The following RASAL2 variants were observed in gnomAD, a reference collection of about 807,000 sequenced individuals.
The protein encoded by RASAL2 is RAS protein activator like 2.
RASAL2 carries 58 observed loss-of-function variants against 128.9 expected under a neutral mutation model. That is an observed-to-expected ratio of 0.45 (90% CI 0.36 to 0.56). The LOEUF is 0.56. Ranked by LOEUF, RASAL2 falls within the 20% of genes least tolerant of loss-of-function variation. RASAL2 has a pLI of 0.00. For synonymous variants in RASAL2, 561 were observed against 580.8 expected, an observed-to-expected ratio of 0.97 and a Z score of 0.49; for missense variants, 1,360 against 1,601.6, an observed-to-expected ratio of 0.85 and a Z score of 2.57.
At chr1:178,144,979 T>TGTAA (rs1660668465) in intron 1 of RASAL2, among the ~76,000 whole-genome samples, 1 of 152,198 alleles carries the variant, frequency 6.6e-6, no homozygotes, top group Non-Finnish European at 1.5e-5. Context: ...GTAGTAAGTT[T>TGTAA]AACATCTTTG....
At chr1:178,400,256 C>G (rs994932787) in intron 4 of RASAL2, among the ~76,000 whole-genome samples, 1 of 152,180 alleles carries the variant, frequency 6.6e-6, no homozygotes, top group Non-Finnish European at 1.5e-5. Flanking sequence ...CAACTCTCTT[C>G]AGTCCTGAGT....
intron 3 of RASAL2, among the ~76,000 whole-genome samples, chr1:178,383,893 T>G (rs1220843532): frequency 6.6e-6 from 1 of 152,252 alleles, no homozygotes; most frequent in Non-Finnish European, 1.5e-5. Context: ...GTGGACTCAT[T>G]CATAGCAACA....
At chr1:178,311,249 CACAA>C (rs1482451546) in intron 3 of RASAL2, among the ~76,000 whole-genome samples, 7 of 101,996 alleles carry the variant, frequency 6.9e-5, no homozygotes, top group Admixed American at 1.3e-4. Context: ...CATACACACA[CACAA>C]ACACACACAC....
chr1:178,109,982 C>T (rs916346259), intron 1 of RASAL2, among the ~76,000 whole-genome samples: 2 of 152,164 alleles, frequency 1.3e-5, no homozygotes, highest in African/African-American at 4.8e-5. Flanking sequence ...CCTGCTACTA[C>T]ACTTCAGCCT....
intron 1 of RASAL2, among the ~76,000 whole-genome samples, chr1:178,143,245 TATA>T (rs898934816): frequency 6.6e-6 from 1 of 151,916 alleles, no homozygotes; most frequent in African/African-American, 2.4e-5. Context: ...TATATTTATC[TATA>T]ATATCATAGA....
chr1:178,151,850 G>T (rs969416188), intron 1 of RASAL2, among the ~76,000 whole-genome samples: 9 of 152,182 alleles, frequency 5.9e-5, no homozygotes, highest in African/African-American at 2.2e-4. Context: ...CTGTTCCACT[G>T]TACCCAGAGG....
At chr1:178,445,474 A>T in intron 8 of RASAL2, 44 bp from the exon 9 acceptor site, 2 of 1,594,564 alleles carry the variant, frequency 1.3e-6, no homozygotes, top group Non-Finnish European at 1.7e-6. Flanking sequence ...AATGTGTATT[A>T]TTTATTCAGT....
At chr1:178,330,491 G>A (rs989532977) in intron 3 of RASAL2, among the ~76,000 whole-genome samples, 1 of 152,118 alleles carries the variant, frequency 6.6e-6, no homozygotes, top group Non-Finnish European at 1.5e-5. Context: ...ACAAAAGACT[G>A]AACAGTGAAC....
intron 1 of RASAL2, among the ~76,000 whole-genome samples, chr1:178,258,640 T>C (rs956659360): frequency 2.6e-5 from 4 of 152,176 alleles, no homozygotes; most frequent in Non-Finnish European, 5.9e-5. Flanking sequence ...TGTGGAGAAA[T>C]TTTAACCCTT....
At chr1:178,272,532 G>A (rs962915359) in intron 1 of RASAL2, among the ~76,000 whole-genome samples, 3 of 151,360 alleles carry the variant, frequency 2.0e-5, no homozygotes, top group African/African-American at 7.3e-5. Flanking sequence ...TCTTCCTTAT[G>A]TTCATTCTTT....
intron 1 of RASAL2, among the ~76,000 whole-genome samples, chr1:178,204,839 C>G (rs761965974): frequency 1.3e-5 from 2 of 152,064 alleles, no homozygotes; most frequent in Non-Finnish European, 2.9e-5. Flanking sequence ...GTGCTTTCTT[C>G]CAGAAAATGA....
chr1:178,364,305 A>G (rs1026287188), intron 3 of RASAL2, among the ~76,000 whole-genome samples: 3 of 152,312 alleles, frequency 2.0e-5, no homozygotes, highest in African/African-American at 7.2e-5. Context: ...AAATTCCAAT[A>G]TGGAATGTAG....
chr1:178,461,692 T>G (rs532605038), intron 14 of RASAL2, among the ~76,000 whole-genome samples: 5 of 152,204 alleles, frequency 3.3e-5, no homozygotes, highest in Non-Finnish European at 7.3e-5. Context: ...GTTTTCACAT[T>G]TAGATTTGTT....
intron 17 of RASAL2, among the ~76,000 whole-genome samples, chr1:178,471,471 T>C (rs1219901360): frequency 1.3e-5 from 2 of 152,198 alleles, no homozygotes; most frequent in Non-Finnish European, 1.5e-5. Flanking sequence ...AATGAATTAC[T>C]TTCCTAAAAT....
In RASAL2 at chr1:178,443,158, A is replaced by G. The variant is rs1676788222; in HGVS notation, c.1411A>G (p.Ile471Val). Residue 471 changes from isoleucine to valine, a missense_variant, in exon 8 of 18, where the codon ATT becomes GTT. Around this residue, in one of 3 missense-constraint regions of RASAL2, gnomAD observed 617 missense variants for 714.2 expected, o/e 0.86. Coordinates refer to ENST00000367649, the MANE Select transcript of RASAL2 (RefSeq NM_170692.4). Reference sequence around the variant, plus strand: ...GCTGTGTTCTGTCCTTGAGCCAGTAATTAGTGTGAGAAATAAAGAGGAGTT... The same window carrying G: ...GCTGTGTTCTGTCCTTGAGCCAGTAGTTAGTGTGAGAAATAAAGAGGAGTT... ...TMLCSVLEPV[I>V]SVRNKEELAC... The G allele has an allele frequency of 6.2e-7, 1 of 1,613,780 alleles. No homozygotes were observed. Among genetic ancestry groups the G allele is most frequent in the East Asian group, 2.2e-5 (1 of 44,862 alleles).
chr1:178,234,840 AAATAT>A (rs1192143474), intron 1 of RASAL2, among the ~76,000 whole-genome samples: 1 of 152,188 alleles, frequency 6.6e-6, no homozygotes, highest in Non-Finnish European at 1.5e-5. Flanking sequence ...TTTGTTATTG[AAATAT>A]AATTTAATTT....
chr1:178,420,976 G>A (rs979160120), intron 5 of RASAL2, among the ~76,000 whole-genome samples: 11 of 152,076 alleles, frequency 7.2e-5, no homozygotes, highest in African/African-American at 2.2e-4. Flanking sequence ...TAGCACTGTC[G>A]CAGGATGCTT....
At chr1:178,249,117 A>G (rs1664923185) in intron 1 of RASAL2, among the ~76,000 whole-genome samples, 1 of 152,120 alleles carries the variant, frequency 6.6e-6, no homozygotes, top group African/African-American at 2.4e-5. Flanking sequence ...TCTCCTGGAT[A>G]ATACCCTAAA....
chr1:178,139,164 G>A (rs1412359326), intron 1 of RASAL2, among the ~76,000 whole-genome samples: 1 of 151,872 alleles, frequency 6.6e-6, no homozygotes, highest in African/African-American at 2.4e-5. Flanking sequence ...GTTAGGGAGT[G>A]GATTTTAATA....
Sources: allele counts gnomAD v4.1 joint callset (sites outside exome capture counted in the v4.1 genomes callset), GRCh38; gene constraint gnomAD v4.1.1; regional missense constraint gnomAD v4.1.1; transcripts MANE v1.5; gene names NCBI Gene and HGNC (gene_info 2026-07-23, HGNC 2026-07-21).